The following ZNF726 variants were observed in gnomAD, a reference collection of about 807,000 sequenced individuals.
ZNF726 encodes zinc finger protein 726.
In ZNF726, 15 loss-of-function variants were observed where a neutral mutation model predicts 11.6. The ratio of observed to expected loss-of-function variants is 1.29; its 90% confidence interval spans 0.86 to 1.99. The LOEUF is 1.99. ZNF726 is among the 30% of genes most tolerant of loss of function. The probability of loss-of-function intolerance (pLI) is 0.00; values close to 1 mark genes in which losing one functional copy is unlikely to be tolerated. For missense variants in ZNF726, 890 were observed against 725.6 expected (o/e 1.23, Z -2.60); for synonymous variants, 295 against 243.6 (o/e 1.21, Z -1.96).
intron 3 of ZNF726, chr19:23,921,138 AT>A (rs1442293107): frequency 6.6e-6 from 1 of 152,138 alleles, no homozygotes; most frequent in Non-Finnish European, 1.5e-5. Context: ...TATACTAAAA[AT>A]AAAAAAATTA....
chr19:23,942,005 C>CTGGGTT (rs1263289940), intron 3 of ZNF726, among the ~76,000 whole-genome samples: 1 of 151,336 alleles, frequency 6.6e-6, no homozygotes, highest in East Asian at 1.9e-4. Flanking sequence ...CTTTTTTCTG[C>CTGGGTT]TGGGTTTGGG....
intron 1 of ZNF726, chr19:23,918,997 C>A: frequency 5.2e-6 from 1 of 193,138 alleles, no homozygotes; most frequent in Non-Finnish European, 1.1e-5. Flanking sequence ...TTGAGTGGTA[C>A]CTTCTAACTC....
chr19:23,944,686 A>G (rs2145009631), intron 4 of ZNF726: 2 of 202,318 alleles, frequency 9.9e-6, no homozygotes, highest in East Asian at 3.2e-4. Flanking sequence ...ATTTTTAATA[A>G]TAATATAATA....
rs759538600 is a variant in ZNF726 at position 23,933,396 on chromosome 19, G to A, written c.1280G>A (p.Cys427Tyr). ...IIHTGEKPYK[C>Y]EECGKAFIWS... ...CATACTGGAGAGAAACCTTACAAGT[G>A]TGAAGAATGCGGCAAAGCGTTTATA... is the stretch of plus-strand genomic sequence containing the variant. Residue 427 changes from cysteine (C) to tyrosine (Y), a missense_variant, in exon 4 of 4, where the codon TGT (cysteine) becomes TAT (tyrosine). Physicochemically the swap from Cys to Tyr is radical, Grantham distance 194. Transcript: ENST00000594466. 1.9e-6 allele frequency: 3 copies of A among 1,612,540 alleles called. No individual in the cohort carries two copies. The highest frequency in any genetic ancestry group is 2.2e-5 in the South Asian group (2 of 91,004).
downstream of ZNF726, chr19:23,935,605 T>C (rs1276091761): frequency 3.1e-6 from 1 of 318,402 alleles, no homozygotes; most frequent in African/African-American, 2.2e-5. Flanking sequence ...AACAAAATCA[T>C]GCTGCTGACA....
chr19:23,933,041 G>A lies in ZNF726; in HGVS notation c.925G>A (p.Gly309Arg). The change falls in exon 4 of 4, where the codon GGA becomes AGA. Residue 309 changes from glycine to arginine, a missense_variant. By Grantham distance (125) the Gly-to-Arg change is moderately radical (BLOSUM62 -2). Coordinates refer to ENST00000594466, the MANE Select transcript of ZNF726 (RefSeq NM_001244038.2). ...AACCATACATAAGAGGATGCACATT[G>A]GAGAGAAACCCTACAAATGTGAAGA... ...ALTIHKRMHI[G>R]EKPYKCEECG... 8 of 1,613,468 alleles carry A rather than the reference G, an allele frequency of 5.0e-6. No individual in the cohort carries two copies. The highest frequency in any genetic ancestry group is 6.8e-6 in the Non-Finnish European group (8 of 1,179,944).
chr19:23,930,141 C>A (rs1042761445), intron 3 of ZNF726, among the ~76,000 whole-genome samples: 5 of 152,210 alleles, frequency 3.3e-5, no homozygotes, highest in African/African-American at 1.2e-4. Flanking sequence ...GTGATGAACA[C>A]CCTTACCTTT....
At position 23,933,532 on chromosome 19, in the gene ZNF726, G is replaced by A. The variant is rs763009596; in HGVS notation, c.1416G>A (p.Lys472=). 2 of 1,612,850 alleles carry A rather than the reference G, an allele frequency of 1.2e-6. No individual in the cohort carries two copies. The highest frequency in any genetic ancestry group is 2.2e-5 in the East Asian group (1 of 44,838). The change falls in exon 4 of 4, where the codon AAG becomes AAA. Residue 472 remains lysine, a synonymous_variant. Coordinates refer to ENST00000594466, the MANE Select transcript of ZNF726 (RefSeq NM_001244038.2). The part of the protein sequence containing the change: ...FSRSSALTTH[K]RMHTGEKPYK... The stretch of plus-strand genomic sequence containing the variant: ...GATCCTCAGCCCTAACTACACATAA[G>A]AGGATGCACACTGGAGAGAAACCCT...
At chr19:23,915,568 T>C (rs925980308) in intron 1 of ZNF726, among the ~76,000 whole-genome samples, 5 of 152,054 alleles carry the variant, frequency 3.3e-5, no homozygotes, top group African/African-American at 1.2e-4. Flanking sequence ...TGTTATTTTG[T>C]TGTTGTTGTT....
intron 3 of ZNF726, 63 bp from the exon 4 acceptor site, chr19:23,932,280 G>C: frequency 8.4e-7 from 1 of 1,184,034 alleles, no homozygotes; most frequent in Non-Finnish European, 1.1e-6. Context: ...TTATAGGTAA[G>C]ATTTTTAAAC....
chr19:23,917,982 G>C (rs989464732), intron 1 of ZNF726, among the ~76,000 whole-genome samples: 4 of 152,278 alleles, frequency 2.6e-5, no homozygotes, highest in Admixed American at 1.3e-4. Flanking sequence ...ACTGTGTCCT[G>C]TCTCCATTGG....
intron 3 of ZNF726, chr19:23,927,933 G>A (rs1968023557): frequency 6.6e-6 from 1 of 152,170 alleles, no homozygotes; most frequent in Admixed American, 6.5e-5. Flanking sequence ...TGATGTTCAT[G>A]TCCTCCAAAC....
At chr19:23,943,834 T>A (rs1968376641) in intron 4 of ZNF726, 1 of 324,074 alleles carries the variant, frequency 3.1e-6, no homozygotes, top group Non-Finnish European at 5.6e-6. Context: ...AACTCCTCTT[T>A]ATGGCTTATA....
chr19:23,932,934 C>A lies in ZNF726; in HGVS notation c.818C>A (p.Thr273Asn), dbSNP rs774264664. ...GCATTTAGCCAATCCTCAACACTAA[C>A]CATACATAAGAGGATACATACTGGA... ...GKAFSQSSTL[T>N]IHKRIHTGEK... The change falls in exon 4 of 4, where the codon ACC (threonine) becomes AAC (asparagine). Residue 273 changes from threonine (T) to asparagine (N), a missense_variant. Coordinates refer to ENST00000594466, the MANE Select transcript of ZNF726 (RefSeq NM_001244038.2). The A allele has an allele frequency of 2.5e-6, 4 of 1,611,192 alleles. No homozygotes were observed. The highest frequency in any genetic ancestry group is 2.7e-5 in the African/African-American group (2 of 74,868).
chr19:23,939,862 A>ATTTTTTT (rs374902806), intron 3 of ZNF726, among the ~76,000 whole-genome samples: 2,193 of 86,986 alleles, frequency 0.025, 146 homozygotes, highest in Middle Eastern at 0.049. Flanking sequence ...TTTTGATGGG[A>ATTTTTTT]TTTTTTTTTT....
chr19:23,937,348 T>C (rs4932935), downstream of ZNF726, among the ~76,000 whole-genome samples: 119,519 of 149,678 alleles, frequency 0.8, 47,770 homozygotes, highest in East Asian at 0.88. Flanking sequence ...ACTTCCCAGA[T>C]GGGGTGGCTG....
chr19:23,931,689 C>T (rs891988301), intron 3 of ZNF726, among the ~76,000 whole-genome samples: 3 of 152,142 alleles, frequency 2.0e-5, no homozygotes, highest in Admixed American at 2.0e-4. Flanking sequence ...GTTTTTCAAA[C>T]ATATTCTTAG....
At chr19:23,937,590 G>A (rs540305150), downstream of ZNF726, among the ~76,000 whole-genome samples, 14 of 142,232 alleles carry the variant, frequency 9.8e-5, no homozygotes, top group East Asian at 1.9e-3. Context: ...ATGGGATGGC[G>A]GCCGGGAAGA....
downstream of ZNF726, among the ~76,000 whole-genome samples, chr19:23,939,315 G>T (rs1231900784): frequency 6.6e-6 from 1 of 152,152 alleles, no homozygotes. Context: ...TTTGTGGTGA[G>T]TAGTATTCCA....
Sources: allele counts gnomAD v4.1 joint callset (sites outside exome capture counted in the v4.1 genomes callset), GRCh38; gene constraint gnomAD v4.1.1; transcripts MANE v1.5; gene names NCBI Gene and HGNC (gene_info 2026-07-23, HGNC 2026-07-21).